Variants in PUS10 observed in about 807,000 individuals in gnomAD.
PUS10 encodes the protein pseudouridine synthase 10.
PUS10 carries 59 observed loss-of-function variants against 75.0 expected under a neutral mutation model. The ratio of observed to expected loss-of-function variants is 0.79; its 90% CI spans 0.64 to 0.98. PUS10 has a LOEUF of 0.98. Among genes scored for constraint, PUS10 ranks in the 50% least tolerant of loss-of-function variants. The pLI, the probability that PUS10 is intolerant of heterozygous loss-of-function variation, is 0.00. For synonymous variants in PUS10, 219 were observed against 211.6 expected (o/e 1.03, Z -0.30); for missense variants, 650 against 614.4 (o/e 1.06, Z -0.61).
chr2:60,970,938 G>A (rs991111596), intron 5 of PUS10, among the ~76,000 whole-genome samples: 2 of 151,976 alleles, frequency 1.3e-5, no homozygotes, highest in Non-Finnish European at 2.9e-5. Context: ...CCACCACTTT[G>A]GGAGGCCGAG....
intron 11 of PUS10, among the ~76,000 whole-genome samples, chr2:60,956,778 A>C (rs1047668473): frequency 3.3e-5 from 5 of 152,040 alleles, no homozygotes; most frequent in Admixed American, 6.6e-5. Flanking sequence ...GATCGAGACC[A>C]TCCTGGCTAA....
chr2:60,951,145 A>C (rs565880185), intron 15 of PUS10, among the ~76,000 whole-genome samples: 1 of 152,264 alleles, frequency 6.6e-6, no homozygotes, highest in African/African-American at 2.4e-5. Flanking sequence ...GATAAGTATA[A>C]ATCCTATTTA....
intron 1 of PUS10, among the ~76,000 whole-genome samples, chr2:61,015,416 C>G (rs923069617): frequency 6.6e-6 from 1 of 152,120 alleles, no homozygotes; most frequent in Non-Finnish European, 1.5e-5. Context: ...AGGAGAATCA[C>G]TTGAACCCAG....
chr2:60,972,421 G>C (rs1043835794), intron 4 of PUS10, among the ~76,000 whole-genome samples: 5 of 151,718 alleles, frequency 3.3e-5, no homozygotes, highest in Admixed American at 2.6e-4. Flanking sequence ...AGTGAGCCGA[G>C]ATCGCGCCAC....
At chr2:60,990,962 T>C (rs546000332) in intron 4 of PUS10, among the ~76,000 whole-genome samples, 1 of 152,266 alleles carries the variant, frequency 6.6e-6, no homozygotes, top group African/African-American at 2.4e-5. Flanking sequence ...CCCAGGCTGG[T>C]CTTGAACTCC....
At chr2:60,998,545 C>T (rs1025824966) in intron 4 of PUS10, among the ~76,000 whole-genome samples, 15 of 151,956 alleles carry the variant, frequency 9.9e-5, no homozygotes, top group African/African-American at 2.9e-4. Flanking sequence ...AAAAATTAGC[C>T]GGATGTGGTG....
chr2:60,996,455 G>A (rs115827842), intron 4 of PUS10, among the ~76,000 whole-genome samples: 305 of 152,216 alleles, frequency 2.0e-3, no homozygotes, highest in African/African-American at 7.1e-3. Flanking sequence ...CATCACTCTG[G>A]TGATCTTCTG....
intron 4 of PUS10, among the ~76,000 whole-genome samples, chr2:60,980,775 G>C (rs185642555): frequency 6.6e-6 from 1 of 152,304 alleles, no homozygotes; most frequent in Non-Finnish European, 1.5e-5. Flanking sequence ...ACGTACAGTA[G>C]ACTATTCTAT....
At chr2:61,016,898 G>T (rs574013572) in intron 1 of PUS10, among the ~76,000 whole-genome samples, 1 of 152,090 alleles carries the variant, frequency 6.6e-6, no homozygotes, top group Non-Finnish European at 1.5e-5. Context: ...GGAGAAAGAG[G>T]TGATCACACT....
intron 1 of PUS10, 132 bp from the exon 2 acceptor site, chr2:61,012,037 T>A (rs1243587628): frequency 6.0e-6 from 3 of 503,714 alleles, no homozygotes; most frequent in Non-Finnish European, 6.4e-6. Context: ...CAAGCCCCTT[T>A]CATTACACAC....
chr2:60,959,382 A>AT (rs1244086752), intron 11 of PUS10, among the ~76,000 whole-genome samples: 2 of 152,132 alleles, frequency 1.3e-5, no homozygotes, highest in Non-Finnish European at 2.9e-5. Flanking sequence ...GAGAACAGTC[A>AT]TTTTTCAAAT....
intron 5 of PUS10, among the ~76,000 whole-genome samples, chr2:60,968,695 A>G (rs1474428919): frequency 6.6e-6 from 1 of 152,152 alleles, no homozygotes; most frequent in East Asian, 1.9e-4. Flanking sequence ...AATAAAAAAA[A>G]GAAAGAAGTA....
chr2:61,009,134 T>C, intron 2 of PUS10, 119 bp from the exon 3 acceptor site: 1 of 859,064 alleles, frequency 1.2e-6, no homozygotes, highest in Non-Finnish European at 1.7e-6. Flanking sequence ...TTTTACAATG[T>C]TGACATATCA....
In PUS10 at chr2:60,979,484, C is replaced by G. The variant is rs148692203; in HGVS notation, c.469-7927G>C. On this transcript the variant is annotated intron_variant, in intron 4 of 17. Coordinates refer to ENST00000316752, the MANE Select transcript of PUS10 (RefSeq NM_144709.4). ...AGGAAGGGGGAATATTTTCCTATAACCACTGTTTGATCTACCACTTAGTTG... is the reference window on the plus strand; with the variant it reads ...AGGAAGGGGGAATATTTTCCTATAAGCACTGTTTGATCTACCACTTAGTTG... Among the ~76,000 whole-genome samples the G allele has an allele frequency of 2.6e-4, 39 of 152,264 alleles. No homozygotes were observed. The East Asian group carries it at 4.1e-3, about 16-fold the overall frequency.
intron 6 of PUS10, chr2:60,966,566 G>C (rs1676355083): frequency 6.6e-6 from 1 of 152,182 alleles, no homozygotes; most frequent in African/African-American, 2.4e-5. Context: ...GATACAACAT[G>C]TAAAATTATT....
intron 11 of PUS10, among the ~76,000 whole-genome samples, chr2:60,958,428 A>G (rs746601677): frequency 4.7e-4 from 72 of 152,174 alleles, no homozygotes; most frequent in African/African-American, 6.3e-4. Flanking sequence ...GCAACAAATT[A>G]TAAGAGGGAT....
At chr2:60,970,557 G>A (rs951499674) in intron 5 of PUS10, among the ~76,000 whole-genome samples, 12 of 151,956 alleles carry the variant, frequency 7.9e-5, no homozygotes, top group Non-Finnish European at 1.5e-4. Context: ...TGAAGGAGGC[G>A]ATTTAGAGAC....
intron 4 of PUS10, among the ~76,000 whole-genome samples, chr2:60,977,525 C>T: frequency 1.3e-5 from 2 of 152,300 alleles, no homozygotes; most frequent in East Asian, 3.9e-4. Flanking sequence ...TTCTATAATT[C>T]ATCAAGTTGC....
chr2:61,011,995 C>T, intron 1 of PUS10, 90 bp from the exon 2 acceptor site: 1 of 1,017,610 alleles, frequency 9.8e-7, no homozygotes, highest in Non-Finnish European at 1.4e-6. Flanking sequence ...AACTAGCTTT[C>T]ATTTGAAAAA....
Sources: gnomAD v4.1 joint callset for allele counts (sites outside exome capture counted in the v4.1 genomes callset) on GRCh38, gnomAD v4.1.1 for gene constraint, MANE v1.5 for transcripts, NCBI Gene and HGNC (gene_info 2026-07-23, HGNC 2026-07-21) for gene names.